Variants in ACTN1 observed in about 807,000 individuals in gnomAD.
The protein encoded by ACTN1 is actinin alpha 1, also known as alpha-actinin-1.
In ACTN1, 30 loss-of-function variants were observed where a neutral mutation model predicts 119.6. The ratio of observed to expected loss-of-function variants is 0.25; its 90% CI spans 0.19 to 0.34. The LOEUF is 0.34. Ranked by LOEUF, ACTN1 falls within the 10% of genes least tolerant of loss-of-function variation. The pLI is 1.00. For synonymous variants in ACTN1, 429 were observed against 472.6 expected (o/e 0.91, Z 1.20); for missense variants, 764 against 1,223.4 (o/e 0.62, Z 5.60).
At chr14:68,916,872 G>T (rs2034324707) in intron 3 of ACTN1, among the ~76,000 whole-genome samples, 1 of 152,174 alleles carries the variant, frequency 6.6e-6, no homozygotes, top group South Asian at 2.1e-4. Flanking sequence ...ACCGTCATCT[G>T]TTCAGTATTC....
intron 8 of ACTN1, 76 bp downstream of exon 8, chr14:68,902,401 A>C (rs1266214098): frequency 5.7e-6 from 7 of 1,227,064 alleles, no homozygotes; most frequent in Non-Finnish European, 8.4e-6. Context: ...GGAGAGGTGG[A>C]GGCGGGCAGG....
chr14:68,965,774 C>T (rs929074179), intron 1 of ACTN1, among the ~76,000 whole-genome samples: 5 of 152,190 alleles, frequency 3.3e-5, no homozygotes, highest in African/African-American at 1.2e-4. Context: ...AGCACATTCA[C>T]CTGGCCCCAC....
At chr14:68,891,968 T>C in intron 10 of ACTN1, 85 bp downstream of exon 10, 2 of 1,525,544 alleles carry the variant, frequency 1.3e-6, no homozygotes, top group Non-Finnish European at 1.8e-6. Context: ...CGCACCCCCA[T>C]AAAGCTGAAT....
At chr14:68,937,716 T>TTC (rs2035591442) in intron 1 of ACTN1, among the ~76,000 whole-genome samples, 1 of 152,226 alleles carries the variant, frequency 6.6e-6, no homozygotes, top group Admixed American at 6.5e-5. Flanking sequence ...ACAAGCCAGC[T>TTC]TCTCGTCTGA....
At chr14:68,970,649 CCAG>C (rs1187472014) in intron 1 of ACTN1, among the ~76,000 whole-genome samples, 2 of 151,878 alleles carry the variant, frequency 1.3e-5, no homozygotes, top group East Asian at 3.8e-4. Context: ...GGGGTCAGCA[CCAG>C]AAGAGGCCAC....
chr14:68,923,852 G>C (rs888890752), intron 2 of ACTN1, among the ~76,000 whole-genome samples: 1 of 152,116 alleles, frequency 6.6e-6, no homozygotes, highest in African/African-American at 2.4e-5. Context: ...AACAACCCAA[G>C]TGACCACCGA....
chr14:68,946,515 G>A (rs1019416018), intron 1 of ACTN1, among the ~76,000 whole-genome samples: 3 of 152,176 alleles, frequency 2.0e-5, no homozygotes, highest in African/African-American at 7.2e-5. Flanking sequence ...AGTGGCAGAA[G>A]TCCTACCCAC....
At chr14:68,893,213 C>T (rs2032628804) in intron 9 of ACTN1, among the ~76,000 whole-genome samples, 1 of 152,158 alleles carries the variant, frequency 6.6e-6, no homozygotes, top group Non-Finnish European at 1.5e-5. Context: ...GTTCCCTGAA[C>T]AGTAGGGGAC....
chr14:68,921,297 G>T, intron 2 of ACTN1, 172 bp from the exon 3 acceptor site: 2 of 745,416 alleles, frequency 2.7e-6, no homozygotes, highest in Non-Finnish European at 3.9e-6. Context: ...TGTCACCCTG[G>T]CAGGGAATGA....
chr14:68,918,338 T>C (rs1384707166), intron 3 of ACTN1, among the ~76,000 whole-genome samples: 1 of 152,006 alleles, frequency 6.6e-6, no homozygotes, highest in Non-Finnish European at 1.5e-5. Flanking sequence ...TCCCAGCACT[T>C]TGGGAAGCTG....
At position 68,925,970 on chromosome 14, in the gene ACTN1, C is replaced by T. The variant is rs577909994; in HGVS notation, c.106-298G>A. Reference sequence around the variant, plus strand: ...CCCTCTCTCAAAGACTCATGCCCACCCACATTTGAAAATGCCACAATTCCA... The same window carrying T: ...CCCTCTCTCAAAGACTCATGCCCACTCACATTTGAAAATGCCACAATTCCA... On this transcript the variant is annotated intron_variant, in intron 1 of 21. Coordinates refer to ENST00000394419, the MANE Select transcript of ACTN1 (RefSeq NM_001130004.2). This position sits in a 1 kb window ranked among gnomAD's most constrained non-coding sequence, Gnocchi z 4.3. 2.0e-5 allele frequency among the ~76,000 whole-genome samples: 3 copies of T among 152,306 alleles called. No individual in the cohort carries two copies. Among genetic ancestry groups the T allele is most frequent in the African/African-American group, 7.2e-5 (3 of 41,568 alleles).
intron 1 of ACTN1, among the ~76,000 whole-genome samples, chr14:68,967,739 C>T (rs1048283060): frequency 6.6e-6 from 1 of 152,192 alleles, no homozygotes; most frequent in Non-Finnish European, 1.5e-5. Flanking sequence ...GGGACAAAGG[C>T]CACTCAACTG....
rs750316190 is a variant in ACTN1 at position 68,902,515 on chromosome 14, C to A, written c.724G>T (p.Val242Leu). Residue 242 changes from valine (V) to leucine (L), a missense_variant, in exon 8 of 22, where the codon GTG becomes TTG. Val to Leu is a conservative substitution (Grantham distance 32). Coordinates refer to ENST00000394419, the MANE Select transcript of ACTN1 (RefSeq NM_001130004.2). ...GAGAAGGCGTGGTAGAAGCTAGACACGTAAGTCATGATGGCTTTCTCATCC... is the reference window on the plus strand; with the variant it reads ...GAGAAGGCGTGGTAGAAGCTAGACAAGTAAGTCATGATGGCTTTCTCATCC... ...RPDEKAIMTYVSSFYHAFSGA... is the reference protein window; with the variant it reads ...RPDEKAIMTYLSSFYHAFSGA... The A allele has an allele frequency of 6.2e-7, 1 of 1,613,838 alleles. No individual in the cohort carries two copies. The highest frequency in any genetic ancestry group is 8.5e-7 in the Non-Finnish European group (1 of 1,179,898).
intron 1 of ACTN1, chr14:68,977,809 C>CCCCCA: frequency 2.7e-6 from 1 of 368,620 alleles, no homozygotes; most frequent in South Asian, 2.0e-5. Context: ...GTCCCCCCCC[C>CCCCCA]ACCCAAAACC....
Position 68,963,722 on chromosome 14 carries a change from A to C in ACTN1, c.105+15230T>G, listed in dbSNP as rs78050427. Among the ~76,000 whole-genome samples the C allele has an allele frequency of 6.3e-3, 957 of 152,332 alleles. 11 individuals carry two copies. Among genetic ancestry groups the C allele is most frequent in the African/African-American group, 0.021 (891 of 41,560 alleles). On this transcript the variant is annotated intron_variant, in intron 1 of 21. Transcript: ENST00000394419. The stretch of plus-strand genomic sequence containing the variant: ...GAGTTTTTATTCATACTATGATATC[A>C]TTTCTTCTCCGCTTGTCCTTTCTCA...
intron 3 of ACTN1, among the ~76,000 whole-genome samples, chr14:68,918,584 CAA>C (rs1056979735): frequency 4.2e-5 from 5 of 119,294 alleles, no homozygotes; most frequent in East Asian, 2.3e-4. Context: ...GACTCCGTCT[CAA>C]AAAAAAAAAA....
At chr14:68,964,188 C>A (rs1326879954) in intron 1 of ACTN1, among the ~76,000 whole-genome samples, 3 of 152,210 alleles carry the variant, frequency 2.0e-5, no homozygotes, top group Non-Finnish European at 2.9e-5. Context: ...GCCTATTCCA[C>A]CTACACTTGA....
intron 1 of ACTN1, among the ~76,000 whole-genome samples, chr14:68,945,063 G>A (rs557407921): frequency 2.9e-4 from 44 of 151,874 alleles, no homozygotes; most frequent in Middle Eastern, 6.8e-3. Context: ...CTACTCAAAA[G>A]GCTAAGGTAG....
At chr14:68,907,652 AAGAC>A (rs1382437959) in intron 6 of ACTN1, among the ~76,000 whole-genome samples, 1 of 152,216 alleles carries the variant, frequency 6.6e-6, no homozygotes, top group Non-Finnish European at 1.5e-5. Flanking sequence ...GATAAATAAA[AAGAC>A]AGAGAGGGAT....
Sources: allele counts gnomAD v4.1 joint callset (sites outside exome capture counted in the v4.1 genomes callset), GRCh38; gene constraint gnomAD v4.1.1; non-coding constraint Gnocchi (gnomAD v3.1); transcripts MANE v1.5; gene names NCBI Gene and HGNC (gene_info 2026-07-23, HGNC 2026-07-21).